Variants in WWOX observed in about 807,000 individuals in gnomAD.
WWOX encodes the protein WW domain containing oxidoreductase, also known as WW domain-containing oxidoreductase.
WWOX carries 69 observed loss-of-function variants against 46.2 expected under a neutral mutation model. The ratio of observed to expected loss-of-function variants is 1.49; its 90% CI spans 1.23 to 1.82. The LOEUF is 1.82. Ranked by LOEUF, WWOX falls within the 40% of genes most tolerant of loss-of-function variation. The probability of loss-of-function intolerance (pLI) is 0.00; values close to 1 mark genes in which losing one functional copy is unlikely to be tolerated. For synonymous variants in WWOX, 359 were observed against 202.6 expected, an observed-to-expected ratio of 1.77 and a Z score of -6.56; for missense variants, 919 against 542.6, an observed-to-expected ratio of 1.69 and a Z score of -6.89.
intron 8 of WWOX, chr16:79,105,865 G>T (rs1265759036): frequency 1.3e-5 from 2 of 152,010 alleles, no homozygotes; most frequent in Non-Finnish European, 2.9e-5. Context: ...TAGAAACGGG[G>T]TTTCACCTTT....
chr16:78,485,811 A>G (rs1177289771), intron 8 of WWOX, among the ~76,000 whole-genome samples: 1 of 152,128 alleles, frequency 6.6e-6, no homozygotes, highest in African/African-American at 2.4e-5. Context: ...GAGCAAACCT[A>G]CTTTCCACCG....
chr16:78,474,133 C>T (rs1042286273), intron 8 of WWOX, among the ~76,000 whole-genome samples: 1 of 152,220 alleles, frequency 6.6e-6, no homozygotes, highest in African/African-American at 2.4e-5. Context: ...ATGACTGTTA[C>T]ACGTTTATGG....
chr16:78,982,600 C>G (rs1049191880), intron 8 of WWOX, among the ~76,000 whole-genome samples: 2 of 152,120 alleles, frequency 1.3e-5, no homozygotes, highest in Non-Finnish European at 2.9e-5. Flanking sequence ...ATTGTATGCT[C>G]TATGGCTTCT....
chr16:78,365,527 C>T (rs1008906383), intron 5 of WWOX, among the ~76,000 whole-genome samples: 6 of 152,130 alleles, frequency 3.9e-5, no homozygotes, highest in African/African-American at 9.7e-5. Context: ...GATTCAGATT[C>T]CTGCTGGAAG....
At chr16:78,732,644 A>G (rs144165471) in intron 8 of WWOX, among the ~76,000 whole-genome samples, 1,734 of 152,334 alleles carry the variant, frequency 0.011, 14 homozygotes, top group Middle Eastern at 0.037. Context: ...ATCAGAAATT[A>G]AAACTGTATA....
chr16:78,743,750 C>T (rs999535247), intron 8 of WWOX, among the ~76,000 whole-genome samples: 3 of 152,146 alleles, frequency 2.0e-5, no homozygotes, highest in Non-Finnish European at 2.9e-5. Context: ...GGTTGCTTTT[C>T]ACAACCTATC....
intron 8 of WWOX, among the ~76,000 whole-genome samples, chr16:79,079,081 T>C (rs73572943): frequency 1.3e-5 from 2 of 152,314 alleles, no homozygotes; most frequent in Admixed American, 6.5e-5. Flanking sequence ...CTTAACATAA[T>C]ATAAAATGAC....
chr16:78,579,239 T>G (rs748442397), intron 8 of WWOX, among the ~76,000 whole-genome samples: 29 of 152,180 alleles, frequency 1.9e-4, no homozygotes, highest in Non-Finnish European at 3.8e-4. Context: ...TTTGCTTTGT[T>G]ATTACGTCAC....
At chr16:79,134,009 T>C (rs2049934244) in intron 8 of WWOX, among the ~76,000 whole-genome samples, 1 of 152,174 alleles carries the variant, frequency 6.6e-6, no homozygotes, top group Non-Finnish European at 1.5e-5. Flanking sequence ...TGCTGGACTA[T>C]CTAAGCAAGC....
intron 8 of WWOX, among the ~76,000 whole-genome samples, chr16:78,677,026 C>G (rs2047616438): frequency 6.6e-6 from 1 of 150,966 alleles, no homozygotes; most frequent in Non-Finnish European, 1.5e-5. Context: ...AAAAAAGCAA[C>G]AAAAGCAGTT....
At chr16:78,443,135 CAA>C (rs759618827) in intron 8 of WWOX, among the ~76,000 whole-genome samples, 4,884 of 39,520 alleles carry the variant, frequency 0.12, 80 homozygotes, top group East Asian at 0.24. Context: ...GACTCCATCT[CAA>C]AAAAAAAAAA....
chr16:79,053,863 A>G (rs1440966355), intron 8 of WWOX, among the ~76,000 whole-genome samples: 1 of 152,178 alleles, frequency 6.6e-6, no homozygotes, highest in Non-Finnish European at 1.5e-5. Context: ...TGCCAGCCCG[A>G]AAACTCCAGT....
chr16:78,730,245 T>A lies in WWOX; in HGVS notation c.1056+297493T>A, dbSNP rs75498828. ...AAGCGTCTCTGTCAGGATGATCTTATGAACGACGTTAGTACCTCAATTTTA... is the reference window on the plus strand; with the variant it reads ...AAGCGTCTCTGTCAGGATGATCTTAAGAACGACGTTAGTACCTCAATTTTA... On this transcript the variant is annotated intron_variant, in intron 8 of 8. Transcript: ENST00000566780. 6.9e-3 allele frequency among the ~76,000 whole-genome samples: 1,045 copies of A among 152,260 alleles called. 10 individuals carry two copies. Among genetic ancestry groups the A allele is most frequent in the South Asian group, 0.035 (169 of 4,812 alleles).
At chr16:78,116,116 A>C (rs527780285) in intron 4 of WWOX, among the ~76,000 whole-genome samples, 160 of 152,328 alleles carry the variant, frequency 1.1e-3, no homozygotes, top group African/African-American at 3.6e-3. Flanking sequence ...TGGGGTATCC[A>C]TCCCCTCAAG....
At chr16:78,588,253 C>G (rs1454904131) in intron 8 of WWOX, among the ~76,000 whole-genome samples, 1 of 152,232 alleles carries the variant, frequency 6.6e-6, no homozygotes, top group Non-Finnish European at 1.5e-5. Flanking sequence ...TGAACAGGTT[C>G]TTGCAGTTGG....
At chr16:78,692,274 A>G (rs187192884) in intron 8 of WWOX, among the ~76,000 whole-genome samples, 4 of 152,334 alleles carry the variant, frequency 2.6e-5, no homozygotes, top group Non-Finnish European at 4.4e-5. Flanking sequence ...AATGGAAGAG[A>G]AGCAACAACT....
At chr16:78,339,691 A>T (rs1343299164) in intron 5 of WWOX, among the ~76,000 whole-genome samples, 4 of 118,968 alleles carry the variant, frequency 3.4e-5, no homozygotes, top group African/African-American at 1.1e-4. Flanking sequence ...ATTCATTGTT[A>T]GGGATAGAAT....
intron 8 of WWOX, chr16:78,757,018 G>T: frequency 1.4e-6 from 1 of 702,864 alleles, no homozygotes; most frequent in Non-Finnish European, 2.6e-6. Context: ...ACAGCCATGT[G>T]AGTGAACCAC....
intron 5 of WWOX, among the ~76,000 whole-genome samples, chr16:78,274,080 C>T (rs2079534254): frequency 6.6e-6 from 1 of 152,170 alleles, no homozygotes; most frequent in African/African-American, 2.4e-5. Context: ...ACTCCCAAAA[C>T]CTCAATAGAT....
Sources: gnomAD v4.1 joint callset for allele counts (sites outside exome capture counted in the v4.1 genomes callset) on GRCh38, gnomAD v4.1.1 for gene constraint, MANE v1.5 for transcripts, NCBI Gene and HGNC (gene_info 2026-07-23, HGNC 2026-07-21) for gene names.